Variants in PRKCH observed in about 807,000 individuals in gnomAD.
PRKCH encodes protein kinase C eta type.
PRKCH carries 28 observed loss-of-function variants against 82.5 expected under a neutral mutation model. That is an observed-to-expected ratio of 0.34 (90% CI 0.25 to 0.47). The LOEUF (loss-of-function observed/expected upper bound fraction) is 0.47. PRKCH is among the 20% of genes least tolerant of loss of function. The pLI, the probability that PRKCH is intolerant of heterozygous loss-of-function variation, is 1.00. For synonymous variants in PRKCH, 322 were observed against 327.4 expected (o/e 0.98, Z 0.18); for missense variants, 705 against 881.8 (o/e 0.80, Z 2.54).
chr14:61,398,597 C>T (rs2046819229), intron 2 of PRKCH, among the ~76,000 whole-genome samples: 1 of 152,162 alleles, frequency 6.6e-6, no homozygotes, highest in Non-Finnish European at 1.5e-5. Flanking sequence ...GATGGAAGCC[C>T]ACACAACATC....
At chr14:61,220,570 G>A (rs1461102485) in intron 1 of PRKCH, among the ~76,000 whole-genome samples, 1 of 152,208 alleles carries the variant, frequency 6.6e-6, no homozygotes, top group African/African-American at 2.4e-5. Context: ...AAGAATCATG[G>A]CACTGGACAT....
At chr14:61,495,385 G>A (rs1886623094) in intron 10 of PRKCH, among the ~76,000 whole-genome samples, 1 of 152,162 alleles carries the variant, frequency 6.6e-6, no homozygotes, top group African/African-American at 2.4e-5. Flanking sequence ...ATGAAACCAG[G>A]CCACCAGTTT....
chr14:61,299,069 T>C (rs969045694), intron 1 of PRKCH, among the ~76,000 whole-genome samples: 1 of 152,102 alleles, frequency 6.6e-6, no homozygotes, highest in African/African-American at 2.4e-5. Flanking sequence ...TGGGCTGAGA[T>C]AAAAGCACTA....
At chr14:61,303,887 A>C (rs948464682) in intron 1 of PRKCH, 1 of 151,038 alleles carries the variant, frequency 6.6e-6, no homozygotes, top group African/African-American at 2.4e-5. Context: ...TTCTCCAACT[A>C]AATGTTCTTT....
At chr14:61,323,232 G>C in intron 1 of PRKCH, among the ~76,000 whole-genome samples, 1 of 152,118 alleles carries the variant, frequency 6.6e-6, no homozygotes, top group East Asian at 1.9e-4. Context: ...GCTACCCGCA[G>C]CTCTCCCCTT....
chr14:61,405,843 T>A (rs1881917841), intron 2 of PRKCH, among the ~76,000 whole-genome samples: 2 of 152,354 alleles, frequency 1.3e-5, no homozygotes, highest in South Asian at 4.1e-4. Flanking sequence ...TAATTCTTAC[T>A]GAATTTTGAT....
At chr14:61,248,568 G>T (rs1204993308) in intron 1 of PRKCH, among the ~76,000 whole-genome samples, 1 of 152,110 alleles carries the variant, frequency 6.6e-6, no homozygotes, top group African/African-American at 2.4e-5. Context: ...AAGCTTATGT[G>T]GTCAAAAGGG....
chr14:61,461,457 C>G (rs1885024067), intron 9 of PRKCH, among the ~76,000 whole-genome samples: 1 of 152,184 alleles, frequency 6.6e-6, no homozygotes, highest in East Asian at 1.9e-4. Flanking sequence ...AGCCGCAGAG[C>G]CAGGTGACCT....
chr14:61,507,335 A>G (rs2265400), intron 10 of PRKCH, among the ~76,000 whole-genome samples: 101,416 of 151,952 alleles, frequency 0.67, 39,613 homozygotes, highest in Middle Eastern at 0.85. Context: ...CTGTTGGTGG[A>G]AATGTAAATT....
At chr14:61,426,073 T>C (rs981131199) in intron 2 of PRKCH, among the ~76,000 whole-genome samples, 2 of 152,218 alleles carry the variant, frequency 1.3e-5, no homozygotes, top group Non-Finnish European at 2.9e-5. Flanking sequence ...CTTTATAAAT[T>C]ACCCAGTCTC....
chr14:61,341,184 C>A (rs2045926586), intron 1 of PRKCH, among the ~76,000 whole-genome samples: 1 of 152,156 alleles, frequency 6.6e-6, no homozygotes, highest in African/African-American at 2.4e-5. Context: ...AATCGGCTGG[C>A]CCTGCCTTCC....
chr14:61,537,460 A>G (rs1088671), intron 12 of PRKCH: 109,875 of 152,116 alleles, frequency 0.72, 42,180 homozygotes, highest in Non-Finnish European at 0.87. Context: ...GATAATGATG[A>G]GACAAAAGAA....
At chr14:61,413,417 C>T (rs1324251279) in intron 2 of PRKCH, among the ~76,000 whole-genome samples, 1 of 105,552 alleles carries the variant, frequency 9.5e-6, no homozygotes. Context: ...CCCCCCCGCC[C>T]CGCCCATGTA....
intron 1 of PRKCH, among the ~76,000 whole-genome samples, chr14:61,210,626 G>A (rs1270095244): frequency 6.6e-6 from 1 of 152,138 alleles, no homozygotes; most frequent in Non-Finnish European, 1.5e-5. Context: ...TTTAGACCCA[G>A]CCCTCATTTT....
At chr14:61,446,510 A>G (rs1276826624) in intron 4 of PRKCH, among the ~76,000 whole-genome samples, 1 of 152,264 alleles carries the variant, frequency 6.6e-6, no homozygotes, top group Non-Finnish European at 1.5e-5. Flanking sequence ...TGTGGATAAG[A>G]AAATCTCACC....
At position 61,390,250 on chromosome 14, in the gene PRKCH, G is replaced by T. The variant is rs184227453; in HGVS notation, c.364-975G>T. ...GGCGCCATGCTGTATGGGGTCTTTC[G>T]GAAACTGGACTATATGCAGAGGACG... On this transcript the variant is annotated intron_variant, in intron 1 of 13. Coordinates refer to ENST00000332981, the MANE Select transcript of PRKCH (RefSeq NM_006255.5). 1.4e-3 allele frequency among the ~76,000 whole-genome samples: 220 copies of T among 152,286 alleles called. 1 individual carries two copies. Among genetic ancestry groups the T allele is most frequent in the African/African-American group, 4.9e-3 (205 of 41,548 alleles).
At chr14:61,193,854 G>A (rs1806934728) in intron 1 of PRKCH, among the ~76,000 whole-genome samples, 1 of 152,164 alleles carries the variant, frequency 6.6e-6, no homozygotes, top group African/African-American at 2.4e-5. Context: ...TTTCTCTTAA[G>A]GCACAAAGTA....
rs1004772639 is a variant in PRKCH at position 61,322,451 on chromosome 14, C to T, written c.350C>T (p.Thr117Ile). The part of the protein sequence containing the change: ...ELLRTTGASD[T>I]FEGWVDLEPE... ...CTGCGCACGACCGGCGCCTCGGACA[C>T]CTTCGAGGGTTGGGTGAGTAGCGGT... Residue 117 changes from threonine to isoleucine, a missense_variant, in exon 1 of 14, where the codon ACC becomes ATC. This residue lies in a region of PRKCH where 246 missense variants were observed against 308.0 expected (regional missense o/e 0.80). Coordinates refer to ENST00000332981, the MANE Select transcript of PRKCH (RefSeq NM_006255.5). 2 of 1,595,922 alleles carry T rather than the reference C, an allele frequency of 1.3e-6. No homozygotes were observed.
At chr14:61,354,221 A>G (rs764887084) in intron 1 of PRKCH, among the ~76,000 whole-genome samples, 22 of 152,338 alleles carry the variant, frequency 1.4e-4, no homozygotes, top group East Asian at 1.9e-4. Context: ...TTATCAGTCA[A>G]TATAAAATGA....
Sources: gnomAD v4.1 joint callset for allele counts (sites outside exome capture counted in the v4.1 genomes callset) on GRCh38, gnomAD v4.1.1 for gene constraint, gnomAD v4.1.1 regional missense constraint, MANE v1.5 for transcripts, NCBI Gene and HGNC (gene_info 2026-07-23, HGNC 2026-07-21) for gene names.